The following MCC variants were observed in gnomAD, a reference collection of about 807,000 sequenced individuals.
MCC encodes the protein MCC regulator of Wnt signaling pathway.
MCC carries 90 observed loss-of-function variants against 116.2 expected under a neutral mutation model. That is an observed-to-expected ratio of 0.77 (90% CI 0.65 to 0.92). MCC has a LOEUF of 0.92. Ranked by LOEUF, MCC falls within the 40% of genes least tolerant of loss-of-function variation. The pLI is 0.00. For synonymous variants in MCC, 578 were observed against 510.5 expected (o/e 1.13, Z -1.78); for missense variants, 1,516 against 1,312.2 (o/e 1.16, Z -2.40).
intron 3 of MCC, among the ~76,000 whole-genome samples, chr5:113,279,040 G>C (rs1018274508): frequency 2.0e-5 from 3 of 152,200 alleles, no homozygotes; most frequent in African/African-American, 7.2e-5. Flanking sequence ...AAAGGGAAAA[G>C]CCCATGAGTC....
chr5:113,405,435 A>T (rs1769800305), intron 1 of MCC, among the ~76,000 whole-genome samples: 1 of 152,216 alleles, frequency 6.6e-6, no homozygotes, highest in African/African-American at 2.4e-5. Context: ...CAAATTTTGT[A>T]AAGATAAAAA....
chr5:113,113,797 G>A (rs1757238212), intron 6 of MCC, among the ~76,000 whole-genome samples: 1 of 152,092 alleles, frequency 6.6e-6, no homozygotes, highest in African/African-American at 2.4e-5. Flanking sequence ...CAAAACAGCA[G>A]GAGGGAGGAT....
chr5:113,098,597 T>C (rs1233903575), intron 8 of MCC, among the ~76,000 whole-genome samples: 1 of 152,178 alleles, frequency 6.6e-6, no homozygotes, highest in East Asian at 1.9e-4. Context: ...CTAGGACCAA[T>C]AATAAAATTG....
intron 1 of MCC, among the ~76,000 whole-genome samples, chr5:113,458,147 G>A (rs995500075): frequency 2.0e-5 from 3 of 152,206 alleles, no homozygotes; most frequent in Non-Finnish European, 4.4e-5. Context: ...AACCCACTAC[G>A]GTCCCCTTCC....
intron 1 of MCC, among the ~76,000 whole-genome samples, chr5:113,473,450 G>A (rs138443510): frequency 7.9e-4 from 120 of 152,236 alleles, no homozygotes; most frequent in African/African-American, 2.6e-3. Flanking sequence ...CTTGAGCCCA[G>A]GAGTGTGAGG....
At chr5:113,376,381 T>C (rs1581437570) in intron 2 of MCC, among the ~76,000 whole-genome samples, 2 of 152,270 alleles carry the variant, frequency 1.3e-5, no homozygotes, top group East Asian at 1.9e-4. Context: ...ACATGCATAA[T>C]TGAGTAGAGA....
At chr5:113,374,105 C>G (rs1319932686) in intron 2 of MCC, among the ~76,000 whole-genome samples, 2 of 152,116 alleles carry the variant, frequency 1.3e-5, no homozygotes, top group African/African-American at 4.8e-5. Flanking sequence ...GTTGCCCAGG[C>G]TGGTCTTGAA....
intron 1 of MCC, among the ~76,000 whole-genome samples, chr5:113,441,037 G>GA (rs1414388117): frequency 6.6e-6 from 1 of 152,136 alleles, no homozygotes; most frequent in Non-Finnish European, 1.5e-5. Flanking sequence ...CGCAGAATTA[G>GA]AAAAAAACAA....
At chr5:113,410,384 A>T (rs1769951919) in intron 1 of MCC, among the ~76,000 whole-genome samples, 1 of 152,208 alleles carries the variant, frequency 6.6e-6, no homozygotes, top group Non-Finnish European at 1.5e-5. Flanking sequence ...GGTAACTTCC[A>T]TCATGTATTT....
At chr5:113,087,279 A>G (rs746583559) in intron 8 of MCC, among the ~76,000 whole-genome samples, 7 of 152,242 alleles carry the variant, frequency 4.6e-5, no homozygotes, top group Non-Finnish European at 5.9e-5. Flanking sequence ...ATTGCATTCA[A>G]TAGTGCAACA....
At position 113,437,894 on chromosome 5, in the gene MCC, G is replaced by T. The variant is rs114451889; in HGVS notation, c.170+50351C>A. Among the ~76,000 whole-genome samples the T allele has an allele frequency of 8.3e-3, 1,259 of 152,194 alleles. 20 individuals carry two copies. Among genetic ancestry groups the T allele is most frequent in the African/African-American group, 0.029 (1,209 of 41,520 alleles). On this transcript the variant is annotated intron_variant, in intron 1 of 18. Transcript: ENST00000408903. ...GGAATTTTGGCAGGAGTGGTAAAGGGCTCCAGCTCCCTGCTTCACATCTCA... is the reference window on the plus strand; with the variant it reads ...GGAATTTTGGCAGGAGTGGTAAAGGTCTCCAGCTCCCTGCTTCACATCTCA...
intron 1 of MCC, among the ~76,000 whole-genome samples, chr5:113,415,161 T>G (rs927651566): frequency 7.2e-5 from 11 of 152,226 alleles, no homozygotes; most frequent in African/African-American, 2.4e-4. Context: ...GGCTTCCCTT[T>G]GTGGGTAACC....
At position 113,026,527 on chromosome 5, in the gene MCC, A is replaced by C. The variant is rs1750562977; in HGVS notation, c.*775T>G. ...AAAGATTCCCAGCTCTAAGTCTTGG[A>C]TATTAATAAGGCTCCACTGAGAGGG... is the stretch of plus-strand genomic sequence containing the variant. On this transcript the variant is annotated 3_prime_UTR_variant, in exon 19 of 19. Coordinates refer to ENST00000408903, the MANE Select transcript of MCC (RefSeq NM_001085377.2). 6.6e-6 allele frequency: 1 copy of C among 152,386 alleles called. No homozygotes were observed. Among genetic ancestry groups the C allele is most frequent in the South Asian group, 2.1e-4 (1 of 4,828 alleles). The allele number at this position is 152,386 out of a possible 1,614,324, so 9.4% of individuals were successfully genotyped here.
Position 113,434,334 on chromosome 5 carries a change from A to G in MCC, c.171-49122T>C, listed in dbSNP as rs772894135. ...CCCACAGAAGGTCTTGCTTAATGCCATTCGACCACTGTCATCCCGCAGGCA... is the reference window on the plus strand; with the variant it reads ...CCCACAGAAGGTCTTGCTTAATGCCGTTCGACCACTGTCATCCCGCAGGCA... On this transcript the variant is annotated intron_variant, in intron 1 of 18. Coordinates refer to ENST00000408903, the MANE Select transcript of MCC (RefSeq NM_001085377.2). The surrounding 1 kb of genome is among the most constrained non-coding windows in gnomAD (Gnocchi z 4.2). The G allele has an allele frequency of 1.2e-6, 2 of 1,613,850 alleles. No homozygotes were observed. The highest frequency in any genetic ancestry group is 1.7e-6 in the Non-Finnish European group (2 of 1,179,844).
chr5:113,131,351 G>C (rs954197184), intron 5 of MCC, among the ~76,000 whole-genome samples: 3 of 151,992 alleles, frequency 2.0e-5, no homozygotes, highest in African/African-American at 7.3e-5. Context: ...TTTAAAAAAA[G>C]CCACCCATAA....
intron 14 of MCC, among the ~76,000 whole-genome samples, chr5:113,058,551 G>A (rs1346160180): frequency 6.6e-6 from 1 of 152,192 alleles, no homozygotes; most frequent in East Asian, 1.9e-4. Flanking sequence ...TCAGGAGCCT[G>A]TGAGGTGACT....
At chr5:113,188,455 G>A (rs1320449245) in intron 3 of MCC, among the ~76,000 whole-genome samples, 1 of 152,200 alleles carries the variant, frequency 6.6e-6, no homozygotes, top group Non-Finnish European at 1.5e-5. Context: ...GTGACTGCAG[G>A]GGTATGGCTG....
chr5:113,077,170 A>G (rs558015544), intron 11 of MCC, among the ~76,000 whole-genome samples: 19 of 152,310 alleles, frequency 1.2e-4, no homozygotes, highest in African/African-American at 4.6e-4. Flanking sequence ...GTCCTTAGAG[A>G]CCTACAAAGA....
At chr5:113,386,561 C>T (rs1242129334) in intron 1 of MCC, among the ~76,000 whole-genome samples, 1 of 152,006 alleles carries the variant, frequency 6.6e-6, no homozygotes, top group Non-Finnish European at 1.5e-5. Context: ...TATACTTGCT[C>T]TTTATGGTGT....
Sources: gnomAD v4.1 joint callset for allele counts (sites outside exome capture counted in the v4.1 genomes callset) on GRCh38, gnomAD v4.1.1 for gene constraint, Gnocchi (gnomAD v3.1) non-coding constraint, MANE v1.5 for transcripts, NCBI Gene and HGNC (gene_info 2026-07-23, HGNC 2026-07-21) for gene names.